Variants in PABPC4L observed in about 807,000 individuals in gnomAD.
PABPC4L encodes the protein polyadenylate-binding protein 4-like.
For synonymous variants in PABPC4L, 169 were observed against 164.1 expected (o/e 1.03, Z -0.23); for missense variants, 452 against 451.4 (o/e 1.00, Z -0.01).
the PABPC4L span, among the ~76,000 whole-genome samples, chr4:133,969,789 C>G: frequency 6.6e-6 from 1 of 152,118 alleles, no homozygotes; most frequent in African/African-American, 2.4e-5. Flanking sequence ...CACACACATA[C>G]GCACACTACC....
chr4:134,182,446 C>A, the PABPC4L span, among the ~76,000 whole-genome samples: 1 of 151,808 alleles, frequency 6.6e-6, no homozygotes, highest in Non-Finnish European at 1.5e-5. Context: ...ATACAAAAAT[C>A]AACTCAAGAT....
At chr4:134,054,842 G>C in the PABPC4L span, among the ~76,000 whole-genome samples, 2 of 151,986 alleles carry the variant, frequency 1.3e-5, no homozygotes, top group Non-Finnish European at 2.9e-5. Context: ...TTCATGTACA[G>C]GTTTTTGTGT....
chr4:134,024,810 G>A, the PABPC4L span, among the ~76,000 whole-genome samples: 2 of 140,866 alleles, frequency 1.4e-5, no homozygotes, highest in African/African-American at 5.3e-5. Flanking sequence ...TAATAAACTA[G>A]CTTTTTTTTT....
chr4:134,036,068 G>T, the PABPC4L span, among the ~76,000 whole-genome samples: 1 of 151,948 alleles, frequency 6.6e-6, no homozygotes, highest in South Asian at 2.1e-4. Context: ...TTTAATTCAA[G>T]ATGAGGTTTG....
chr4:133,974,363 T>TTA, the PABPC4L span, among the ~76,000 whole-genome samples: 1 of 152,010 alleles, frequency 6.6e-6, no homozygotes, highest in Non-Finnish European at 1.5e-5. Context: ...TTAAAATAGA[T>TTA]CAGAGATGTA....
At chr4:134,062,995 T>C in the PABPC4L span, among the ~76,000 whole-genome samples, 1 of 152,120 alleles carries the variant, frequency 6.6e-6, no homozygotes, top group Non-Finnish European at 1.5e-5. Context: ...TAGTGGAGTA[T>C]GTGGTTTCAA....
the PABPC4L span, among the ~76,000 whole-genome samples, chr4:134,063,602 T>G: frequency 6.6e-6 from 1 of 152,046 alleles, no homozygotes; most frequent in Non-Finnish European, 1.5e-5. Context: ...ACAGAGGAGA[T>G]CTCAACAATG....
At chr4:134,001,418 T>C in the PABPC4L span, among the ~76,000 whole-genome samples, 1 of 152,052 alleles carries the variant, frequency 6.6e-6, no homozygotes, top group Non-Finnish European at 1.5e-5. Context: ...CCGTAATTAG[T>C]CAGATGGTAT....
the PABPC4L span, among the ~76,000 whole-genome samples, chr4:134,144,490 C>T: frequency 6.7e-6 from 1 of 149,608 alleles, no homozygotes; most frequent in South Asian, 2.1e-4. Context: ...TCATCATATT[C>T]ATAATTAAAT....
At chr4:134,183,008 G>T in the PABPC4L span, among the ~76,000 whole-genome samples, 1 of 151,924 alleles carries the variant, frequency 6.6e-6, no homozygotes, top group Non-Finnish European at 1.5e-5. Flanking sequence ...ACTGCTTGTG[G>T]GAATGTAAAT....
chr4:134,089,322 G>C, the PABPC4L span, among the ~76,000 whole-genome samples: 6 of 151,886 alleles, frequency 4.0e-5, no homozygotes, highest in South Asian at 1.2e-3. Context: ...CTACGCTCAC[G>C]CACCCAGCTC....
At chr4:133,962,476 A>G in the PABPC4L span, among the ~76,000 whole-genome samples, 6 of 152,238 alleles carry the variant, frequency 3.9e-5, no homozygotes, top group African/African-American at 1.4e-4. Context: ...ACATTTATAA[A>G]AATGCAAAAT....
At chr4:134,147,726 A>AAT in the PABPC4L span, among the ~76,000 whole-genome samples, 1 of 145,350 alleles carries the variant, frequency 6.9e-6, no homozygotes, top group East Asian at 2.1e-4. Flanking sequence ...CAGAAATTAC[A>AAT]GTGTGTGTGT....
chr4:134,185,637 T>C, the PABPC4L span, among the ~76,000 whole-genome samples: 2 of 152,240 alleles, frequency 1.3e-5, no homozygotes, highest in Non-Finnish European at 2.9e-5. Flanking sequence ...AAGACAGAGA[T>C]GCCCTCTCTC....
the PABPC4L span, among the ~76,000 whole-genome samples, chr4:134,011,772 G>T: frequency 6.6e-6 from 1 of 151,984 alleles, no homozygotes; most frequent in Non-Finnish European, 1.5e-5. Context: ...ACGATATGTA[G>T]AAAAAGCCAT....
the PABPC4L span, among the ~76,000 whole-genome samples, chr4:134,158,154 C>T: frequency 6.6e-6 from 1 of 152,004 alleles, no homozygotes; most frequent in African/African-American, 2.4e-5. Flanking sequence ...CCCTACAAAT[C>T]TGATTTGAAG....
chr4:134,166,149 G>A, the PABPC4L span, among the ~76,000 whole-genome samples: 1 of 152,096 alleles, frequency 6.6e-6, no homozygotes, highest in Non-Finnish European at 1.5e-5. Flanking sequence ...GGAGTGAGGT[G>A]AGGATTAAAA....
the PABPC4L span, among the ~76,000 whole-genome samples, chr4:134,111,789 G>A: frequency 6.6e-6 from 1 of 151,888 alleles, no homozygotes; most frequent in Non-Finnish European, 1.5e-5. Flanking sequence ...CACCACGATT[G>A]TGAGGCCTCC....
the PABPC4L span, among the ~76,000 whole-genome samples, chr4:134,110,308 T>C: frequency 0.013 from 1,934 of 152,156 alleles, 43 homozygotes; most frequent in African/African-American, 0.041. Context: ...ACTGCCATTT[T>C]AACTAAGAAA....
Sources: allele counts gnomAD v4.1 joint callset (sites outside exome capture counted in the v4.1 genomes callset), GRCh38; gene constraint gnomAD v4.1.1; transcripts MANE v1.5; gene names NCBI Gene and HGNC (gene_info 2026-07-23, HGNC 2026-07-21).